The following ATP6V1A variants were observed in gnomAD, a reference collection of about 807,000 sequenced individuals.
ATP6V1A encodes V-type proton ATPase catalytic subunit A.
ATP6V1A carries 18 observed loss-of-function variants against 70.1 expected under a neutral mutation model. The observed-to-expected ratio is 0.26, with a 90% CI of 0.18 to 0.38. The LOEUF (loss-of-function observed/expected upper bound fraction) is 0.38, where lower values mean the gene tolerates loss of function less well. ATP6V1A is among the 10% of genes least tolerant of loss of function. The pLI is 1.00. For synonymous variants in ATP6V1A, 232 were observed against 253.8 expected (o/e 0.91, Z 0.82); for missense variants, 424 against 772.4 (o/e 0.55, Z 5.35).
At chr3:113,750,152 T>C (rs1708569646) in intron 1 of ATP6V1A, among the ~76,000 whole-genome samples, 1 of 152,206 alleles carries the variant, frequency 6.6e-6, no homozygotes, top group Non-Finnish European at 1.5e-5. Flanking sequence ...GGTTTGATAC[T>C]TAGGAACCTT....
chr3:113,805,223 T>C, intron 13 of ATP6V1A, 131 bp from the exon 14 acceptor site: 1 of 899,110 alleles, frequency 1.1e-6, no homozygotes, highest in Non-Finnish European at 1.7e-6. Flanking sequence ...TTTTATTCCT[T>C]AGGTATCATC....
In ATP6V1A at chr3:113,811,788, A is replaced by G. The variant is rs1235948364; in HGVS notation, c.*2361A>G. ...ATTTCTTTAGTAAGAATGTGTTAAA[A>G]TTACAATGATCTTTTAAAAAGATGA... On this transcript the variant is annotated 3_prime_UTR_variant, in exon 15 of 15. Coordinates refer to ENST00000273398, the MANE Select transcript of ATP6V1A (RefSeq NM_001690.4). 2.6e-5 allele frequency: 4 copies of G among 152,652 alleles called. No individual in the cohort carries two copies. Among genetic ancestry groups the G allele is most frequent in the African/African-American group, 9.6e-5 (4 of 41,474 alleles). The allele number at this position is 152,652 out of a possible 1,614,324, so 9.5% of individuals were successfully genotyped here. A position where few individuals can be genotyped will look rare whatever the true frequency, so the allele number is the denominator to read the frequency against.
At chr3:113,766,434 A>G (rs1236320244) in intron 1 of ATP6V1A, among the ~76,000 whole-genome samples, 4 of 152,168 alleles carry the variant, frequency 2.6e-5, no homozygotes, top group Non-Finnish European at 1.5e-5. Flanking sequence ...AGCTGGGACT[A>G]TGGGTGCACA....
rs993947350 is a variant in ATP6V1A at position 113,763,133 on chromosome 3, T to G, written c.-13-15608T>G. On this transcript the variant is annotated intron_variant, in intron 1 of 14. Coordinates refer to ENST00000273398, the MANE Select transcript of ATP6V1A (RefSeq NM_001690.4). ...TGAGGCAGAGTCTCGCTCTGTCACC[T>G]AGGCTGTGGAGTGCAGTGGCGCAAT... is the stretch of plus-strand genomic sequence containing the variant. 2.0e-5 allele frequency among the ~76,000 whole-genome samples: 3 copies of G among 152,204 alleles called. No homozygotes were observed. In the South Asian group the frequency reaches 6.2e-4, roughly 32 times the overall value.
At chr3:113,749,050 A>G (rs1303195354) in intron 1 of ATP6V1A, among the ~76,000 whole-genome samples, 1 of 152,190 alleles carries the variant, frequency 6.6e-6, no homozygotes, top group Non-Finnish European at 1.5e-5. Flanking sequence ...TGAAAGAGAA[A>G]ACCAGCTAGA....
chr3:113,795,130 G>A lies in ATP6V1A; in HGVS notation c.1152G>A (p.Ser384=), dbSNP rs778910556. 1.7e-5 allele frequency: 28 copies of A among 1,614,004 alleles called. No individual in the cohort carries two copies. Among genetic ancestry groups the A allele is most frequent in the African/African-American group, 2.7e-5 (2 of 74,902 alleles). The change falls in exon 10 of 15, where the codon TCG becomes TCA. Residue 384 remains serine (S), a synonymous_variant. Coordinates refer to ENST00000273398, the MANE Select transcript of ATP6V1A (RefSeq NM_001690.4). ...CCTATCTTGGTGCCCGTCTGGCCTCGTTTTATGAACGAGCAGGCAGGGTGA... is the reference window on the plus strand; with the variant it reads ...CCTATCTTGGTGCCCGTCTGGCCTCATTTTATGAACGAGCAGGCAGGGTGA... ...YPAYLGARLA[S]FYERAGRVKC...
intron 3 of ATP6V1A, among the ~76,000 whole-genome samples, chr3:113,782,926 A>G (rs956757432): frequency 6.6e-6 from 1 of 152,018 alleles, no homozygotes; most frequent in Non-Finnish European, 1.5e-5. Flanking sequence ...GCTTTTTTTC[A>G]CTTAAAAGTA....
chr3:113,805,221 C>T, intron 13 of ATP6V1A, 133 bp from the exon 14 acceptor site: 6 of 882,858 alleles, frequency 6.8e-6, no homozygotes, highest in South Asian at 1.7e-5. Flanking sequence ...TTTTTTATTC[C>T]TTAGGTATCA....
intron 1 of ATP6V1A, among the ~76,000 whole-genome samples, chr3:113,759,881 T>A (rs1242616876): frequency 6.6e-6 from 1 of 152,198 alleles, no homozygotes; most frequent in Non-Finnish European, 1.5e-5. Flanking sequence ...ACTGGATAAT[T>A]GGGGTGTTCA....
rs1035221207 is a variant in ATP6V1A, at chr3:113,797,947, A to C, written c.1291-296A>C. ...CAGGAGTTCGAGACAAGCCTAGCCA[A>C]CATGGTGAAACCCCATCTCTACTAA... On this transcript the variant is annotated intron_variant, in intron 11 of 14. Transcript: ENST00000273398. Among the ~76,000 whole-genome samples the C allele has an allele frequency of 2.0e-5, 3 of 152,236 alleles. No individual in the cohort carries two copies. The East Asian group carries it at 5.8e-4, about 30-fold the overall frequency.
intron 5 of ATP6V1A, 80 bp from the exon 6 acceptor site, chr3:113,786,152 G>A: frequency 1.5e-6 from 2 of 1,350,596 alleles, no homozygotes; most frequent in Admixed American, 4.1e-5. Context: ...CTAACCCCAA[G>A]GAGAATCGGG....
chr3:113,754,008 G>A (rs1708619401), intron 1 of ATP6V1A, among the ~76,000 whole-genome samples: 1 of 152,088 alleles, frequency 6.6e-6, no homozygotes, highest in Non-Finnish European at 1.5e-5. Flanking sequence ...CATGAGTTTT[G>A]TATATTTTTA....
intron 11 of ATP6V1A, among the ~76,000 whole-genome samples, chr3:113,797,619 T>C (rs1709167848): frequency 6.6e-6 from 1 of 152,238 alleles, no homozygotes; most frequent in Non-Finnish European, 1.5e-5. Flanking sequence ...TCTGGTTCTA[T>C]TGTACCATAA....
chr3:113,787,694 TGTG>T (rs1709052386), intron 6 of ATP6V1A, among the ~76,000 whole-genome samples: 2 of 152,170 alleles, frequency 1.3e-5, no homozygotes, highest in East Asian at 1.9e-4. Flanking sequence ...AATAAAGAAT[TGTG>T]GTATAATTTT....
At chr3:113,783,251 T>C (rs965163077) in intron 3 of ATP6V1A, among the ~76,000 whole-genome samples, 1 of 152,206 alleles carries the variant, frequency 6.6e-6, no homozygotes, top group Non-Finnish European at 1.5e-5. Flanking sequence ...CAGTGCTACA[T>C]TGTAAGTATA....
Position 113,795,949 on chromosome 3 carries a change from T to A in ATP6V1A, c.1290+10T>A, listed in dbSNP as rs1462243914. 2 of 1,601,946 alleles carry A rather than the reference T, an allele frequency of 1.2e-6. No homozygotes were observed. The highest frequency in any genetic ancestry group is 1.3e-5 in the African/African-American group (1 of 74,540). On this transcript the variant is annotated intron_variant, in intron 11 of 14. Coordinates refer to ENST00000273398, the MANE Select transcript of ATP6V1A (RefSeq NM_001690.4). ...TCTTGGTATCGTTCAGGTATGTCTT[T>A]CCCTAGTATAGTCAACTTCTGAGCC...
chr3:113,794,210 TTGC>T (rs1416613031), intron 8 of ATP6V1A, among the ~76,000 whole-genome samples: 1 of 152,202 alleles, frequency 6.6e-6, no homozygotes, highest in Non-Finnish European at 1.5e-5. Flanking sequence ...TTAATAACAT[TTGC>T]TACTTTTGAA....
chr3:113,762,420 T>A (rs968273407), intron 1 of ATP6V1A, among the ~76,000 whole-genome samples: 3 of 151,934 alleles, frequency 2.0e-5, no homozygotes, highest in Non-Finnish European at 4.4e-5. Context: ...AATACAAAAT[T>A]AGCTGGGCGT....
intron 1 of ATP6V1A, among the ~76,000 whole-genome samples, chr3:113,753,901 T>A (rs1349280988): frequency 6.6e-6 from 1 of 151,962 alleles, no homozygotes; most frequent in Non-Finnish European, 1.5e-5. Flanking sequence ...TTCACCTTAT[T>A]GCCCAGGCCA....
Sources: allele counts gnomAD v4.1 joint callset (sites outside exome capture counted in the v4.1 genomes callset), GRCh38; gene constraint gnomAD v4.1.1; transcripts MANE v1.5; gene names NCBI Gene and HGNC (gene_info 2026-07-23, HGNC 2026-07-21).